The following SYT14 variants were observed in gnomAD, a reference collection of about 807,000 sequenced individuals.
The protein encoded by SYT14 is synaptotagmin 14.
A neutral mutation model predicts 74.2 loss-of-function variants in SYT14; 32 were observed. The ratio of observed to expected loss-of-function variants is 0.43; its 90% CI spans 0.33 to 0.58. SYT14 has a LOEUF of 0.58. Ranked by LOEUF, SYT14 falls within the 20% of genes least tolerant of loss-of-function variation. The probability of loss-of-function intolerance (pLI) is 0.05; values close to 1 mark genes in which losing one functional copy is unlikely to be tolerated. For missense variants in SYT14, 791 were observed against 981.8 expected (o/e 0.81, Z 2.60); for synonymous variants, 298 against 337.7 (o/e 0.88, Z 1.29).
At chr1:209,949,553 CAG>C (rs1424339801) in intron 1 of SYT14, among the ~76,000 whole-genome samples, 1 of 140,208 alleles carries the variant, frequency 7.1e-6, no homozygotes, top group Admixed American at 7.1e-5. Context: ...AGCCTGGCGA[CAG>C]AGTGAGACTC....
chr1:209,997,174 T>G (rs1256333125), intron 2 of SYT14, among the ~76,000 whole-genome samples: 3 of 150,788 alleles, frequency 2.0e-5, no homozygotes, highest in African/African-American at 7.3e-5. Context: ...AAAAAAAAAG[T>G]CAAATGGCTT....
At chr1:209,989,958 G>T (rs1410034101) in intron 2 of SYT14, among the ~76,000 whole-genome samples, 1 of 151,848 alleles carries the variant, frequency 6.6e-6, no homozygotes, top group Admixed American at 6.6e-5. Flanking sequence ...TTTTCATCAC[G>T]TTTAAAGCCA....
intron 7 of SYT14, among the ~76,000 whole-genome samples, chr1:210,111,530 A>G (rs2082261771): frequency 6.6e-6 from 1 of 151,056 alleles, no homozygotes; most frequent in Non-Finnish European, 1.5e-5. Context: ...GGTGGTATGG[A>G]GAGATAATGG....
chr1:210,057,208 A>T (rs1024278963), intron 5 of SYT14, among the ~76,000 whole-genome samples: 17 of 152,170 alleles, frequency 1.1e-4, no homozygotes, highest in African/African-American at 4.1e-4. Flanking sequence ...GGTAGTATAA[A>T]TATCTAAATT....
exon 10 of SYT14, chr1:210,169,833 C>T (rs1315227488): frequency 6.6e-6 from 1 of 152,092 alleles, no homozygotes; most frequent in Non-Finnish European, 1.5e-5. Flanking sequence ...CTGATCAATA[C>T]TCTTGCATTG....
At chr1:209,988,362 A>G (rs1270852021) in intron 2 of SYT14, among the ~76,000 whole-genome samples, 1 of 152,198 alleles carries the variant, frequency 6.6e-6, no homozygotes, top group Non-Finnish European at 1.5e-5. Flanking sequence ...CCCATGGAAT[A>G]TATCATCATA....
intron 5 of SYT14, among the ~76,000 whole-genome samples, chr1:210,035,873 A>AT (rs2080650369): frequency 6.6e-6 from 1 of 151,708 alleles, no homozygotes; most frequent in Admixed American, 6.6e-5. Flanking sequence ...GCTTAAGGTT[A>AT]TTTTGGCTAT....
At chr1:210,141,545 C>T (rs900107974) in intron 7 of SYT14, among the ~76,000 whole-genome samples, 1 of 152,164 alleles carries the variant, frequency 6.6e-6, no homozygotes, top group African/African-American at 2.4e-5. Flanking sequence ...TTCTCCTAGA[C>T]TAGTCGCCCC....
chr1:210,159,315 C>A, intron 8 of SYT14, 106 bp from the exon 8 acceptor site: 1 of 1,084,526 alleles, frequency 9.2e-7, no homozygotes, highest in Non-Finnish European at 1.4e-6. Context: ...TTCTTCCACT[C>A]CAGTGAACAG....
At chr1:209,955,967 T>C (rs1305866180) in intron 2 of SYT14, among the ~76,000 whole-genome samples, 1 of 152,246 alleles carries the variant, frequency 6.6e-6, no homozygotes, top group East Asian at 1.9e-4. Flanking sequence ...CTTACATTTT[T>C]ATAATCAATA....
At chr1:210,098,469 G>A (rs1642109795) in intron 6 of SYT14, among the ~76,000 whole-genome samples, 1 of 152,138 alleles carries the variant, frequency 6.6e-6, no homozygotes. Context: ...CTAGGGTATT[G>A]TCCTAGTCCA....
chr1:210,084,165 C>T (rs1410684548), intron 5 of SYT14, among the ~76,000 whole-genome samples: 1 of 152,194 alleles, frequency 6.6e-6, no homozygotes, highest in East Asian at 1.9e-4. Flanking sequence ...ACTGTATCCT[C>T]AGTCATCTGG....
exon 7 of SYT14, chr1:210,100,398 A>G: frequency 6.2e-7 from 1 of 1,613,610 alleles, no homozygotes; most frequent in Non-Finnish European, 8.5e-7. Flanking sequence ...TTTATTTAAC[A>G]AAATTGAATC....
At chr1:209,967,799 T>C (rs1410304211) in intron 2 of SYT14, among the ~76,000 whole-genome samples, 2 of 152,084 alleles carry the variant, frequency 1.3e-5, no homozygotes, top group Non-Finnish European at 2.9e-5. Context: ...TGCTTTCTAG[T>C]TAATTGATTT....
At chr1:210,034,637 C>G (rs751560406) in intron 5 of SYT14, among the ~76,000 whole-genome samples, 10 of 151,694 alleles carry the variant, frequency 6.6e-5, no homozygotes, top group Admixed American at 2.0e-4. Flanking sequence ...ATTCCACTCT[C>G]TATGTCCAAT....
At chr1:210,000,392 G>A (rs755720225) in intron 2 of SYT14, among the ~76,000 whole-genome samples, 1 of 150,650 alleles carries the variant, frequency 6.6e-6, no homozygotes, top group Admixed American at 6.6e-5. Context: ...AGTAAGCCTT[G>A]AATTACTTTT....
At chr1:210,114,112 CAG>C (rs1255711777) in intron 7 of SYT14, among the ~76,000 whole-genome samples, 1 of 151,398 alleles carries the variant, frequency 6.6e-6, no homozygotes, top group Non-Finnish European at 1.5e-5. Flanking sequence ...AGGAGTCAGT[CAG>C]AGAGCCTTGG....
chr1:209,978,196 C>T (rs2079405490), intron 2 of SYT14, among the ~76,000 whole-genome samples: 1 of 152,166 alleles, frequency 6.6e-6, no homozygotes, highest in African/African-American at 2.4e-5. Context: ...AAGCCTTCTT[C>T]TCTCAACTCA....
At chr1:210,019,846 A>G (rs185132820) in intron 4 of SYT14, among the ~76,000 whole-genome samples, 68 of 152,352 alleles carry the variant, frequency 4.5e-4, no homozygotes, top group African/African-American at 1.1e-3. Context: ...TAATTCTAAG[A>G]AAGTTACACC....
Sources: gnomAD v4.1 joint callset for allele counts (sites outside exome capture counted in the v4.1 genomes callset) on GRCh38, gnomAD v4.1.1 for gene constraint, MANE v1.5 for transcripts, NCBI Gene and HGNC (gene_info 2026-07-23, HGNC 2026-07-21) for gene names.